The following MFHAS1 variants were observed in gnomAD, a reference collection of about 807,000 sequenced individuals.
The protein encoded by MFHAS1 is malignant fibrous histiocytoma-amplified sequence 1.
MFHAS1 carries 50 observed loss-of-function variants against 70.4 expected under a neutral mutation model. The ratio of observed to expected loss-of-function variants is 0.71; its 90% CI spans 0.57 to 0.90. The LOEUF (loss-of-function observed/expected upper bound fraction) is 0.90. Ranked by LOEUF, MFHAS1 falls within the 40% of genes least tolerant of loss-of-function variation. The pLI is 0.00. For synonymous variants in MFHAS1, 952 were observed against 620.0 expected (o/e 1.54, Z -7.96); for missense variants, 1,795 against 1,347.6 (o/e 1.33, Z -5.20).
intron 1 of MFHAS1, among the ~76,000 whole-genome samples, chr8:8,852,215 C>T (rs1585052034): frequency 6.6e-6 from 1 of 152,152 alleles, no homozygotes; most frequent in East Asian, 1.9e-4. Flanking sequence ...CGGTGACTCA[C>T]ACCTGTAATC....
At chr8:8,844,471 G>C (rs906494626) in intron 1 of MFHAS1, among the ~76,000 whole-genome samples, 2 of 152,164 alleles carry the variant, frequency 1.3e-5, no homozygotes, top group African/African-American at 4.8e-5. Context: ...CAGCACACCT[G>C]TCATTGTTTA....
At chr8:8,830,206 TTC>T (rs1807332129) in intron 1 of MFHAS1, among the ~76,000 whole-genome samples, 1 of 152,162 alleles carries the variant, frequency 6.6e-6, no homozygotes, top group Non-Finnish European at 1.5e-5. Context: ...TGGCTTCGAG[TTC>T]TGTGTCAGGA....
At chr8:8,864,214 T>G (rs992006577) in intron 1 of MFHAS1, among the ~76,000 whole-genome samples, 1 of 152,114 alleles carries the variant, frequency 6.6e-6, no homozygotes, top group African/African-American at 2.4e-5. Context: ...CTAAACCAAA[T>G]CTCTGGTGTT....
chr8:8,826,641 G>A (rs1807174129), intron 1 of MFHAS1, among the ~76,000 whole-genome samples: 1 of 152,210 alleles, frequency 6.6e-6, no homozygotes, highest in Admixed American at 6.5e-5. Flanking sequence ...GCTGAGGCAG[G>A]ACAATCGCTT....
At position 8,785,998 on chromosome 8, in the gene MFHAS1, A is replaced by T. The variant is rs188044456; in HGVS notation, c.*24T>A. On this transcript the variant is annotated 3_prime_UTR_variant, in exon 3 of 3. Coordinates refer to ENST00000276282, the MANE Select transcript of MFHAS1 (RefSeq NM_004225.3). ...GGTGTTCAGATGCTCTCTTTTCTCC[A>T]TGGAAATTCCACAGCCACAAACGTC... 2.0e-5 allele frequency: 32 copies of T among 1,613,648 alleles called. No homozygotes were observed. In the African/African-American group the frequency reaches 3.2e-4, roughly 16 times the overall value.
rs1271947687 is a variant in MFHAS1 at position 8,890,704 on chromosome 8, G to C, written c.2355C>G (p.Leu785=). Reference sequence around the variant, plus strand: ...ACAGAAAGCCCTCCACATACTGATGGAGCTGGGTGGCCCGGAGCAGTTCCT... The same window carrying C: ...ACAGAAAGCCCTCCACATACTGATGCAGCTGGGTGGCCCGGAGCAGTTCCT... ...PSQELLRATQ[L]HQYVEGFLLH... Residue 785 remains leucine (L), a synonymous_variant, in exon 1 of 3, where the codon CTC becomes CTG. Coordinates refer to ENST00000276282, the MANE Select transcript of MFHAS1 (RefSeq NM_004225.3). The C allele has an allele frequency of 6.8e-6, 11 of 1,613,674 alleles. No individual in the cohort carries two copies. The South Asian group carries it at 1.1e-4, about 16-fold the overall frequency.
intron 1 of MFHAS1, among the ~76,000 whole-genome samples, chr8:8,829,665 A>C (rs1807296612): frequency 6.6e-6 from 1 of 152,212 alleles, no homozygotes; most frequent in Non-Finnish European, 1.5e-5. Context: ...TGGGCGAAAG[A>C]GTGAGACTCT....
At chr8:8,811,816 T>G (rs1264344929) in intron 1 of MFHAS1, among the ~76,000 whole-genome samples, 1 of 152,186 alleles carries the variant, frequency 6.6e-6, no homozygotes. Flanking sequence ...GTCTCTCAAG[T>G]GCCCTCAAGC....
chr8:8,856,909 G>C (rs1156277796), intron 1 of MFHAS1, among the ~76,000 whole-genome samples: 1 of 123,462 alleles, frequency 8.1e-6, no homozygotes, highest in Non-Finnish European at 1.6e-5. Flanking sequence ...CTCTAGATCA[G>C]AAAGAGAAAT....
intron 1 of MFHAS1, among the ~76,000 whole-genome samples, chr8:8,865,960 C>T (rs533821944): frequency 6.6e-6 from 1 of 152,250 alleles, no homozygotes. Flanking sequence ...TTGGCCTACT[C>T]TCCTGACAGT....
At chr8:8,821,228 A>T (rs1806944277) in intron 1 of MFHAS1, among the ~76,000 whole-genome samples, 1 of 152,184 alleles carries the variant, frequency 6.6e-6, no homozygotes, top group Non-Finnish European at 1.5e-5. Context: ...GCTTCTGTGC[A>T]AAGCTTACAG....
intron 1 of MFHAS1, among the ~76,000 whole-genome samples, chr8:8,853,289 C>T (rs1040524534): frequency 3.3e-5 from 5 of 152,050 alleles, no homozygotes; most frequent in African/African-American, 1.2e-4. Flanking sequence ...GTTCAACAGG[C>T]GGCAAGCTCC....
At chr8:8,789,736 T>C (rs945509615) in intron 2 of MFHAS1, among the ~76,000 whole-genome samples, 1 of 152,138 alleles carries the variant, frequency 6.6e-6, no homozygotes, top group Non-Finnish European at 1.5e-5. Context: ...GAGTATACTC[T>C]TCCAATACAA....
intron 1 of MFHAS1, among the ~76,000 whole-genome samples, chr8:8,862,613 G>A (rs997323979): frequency 3.3e-5 from 5 of 152,102 alleles, no homozygotes; most frequent in Non-Finnish European, 4.4e-5. Flanking sequence ...GAATTTTAGG[G>A]CAGTAAAACT....
At chr8:8,797,540 G>C (rs763448226) in intron 1 of MFHAS1, 49 bp from the exon 2 acceptor site, 1 of 1,584,166 alleles carries the variant, frequency 6.3e-7, no homozygotes, top group Non-Finnish European at 8.6e-7. Flanking sequence ...CACTAAAAAT[G>C]GGCTCATTTT....
intron 1 of MFHAS1, among the ~76,000 whole-genome samples, chr8:8,807,412 T>C (rs1262841139): frequency 6.6e-6 from 1 of 152,086 alleles, no homozygotes; most frequent in Admixed American, 6.6e-5. Flanking sequence ...TAATCCTCAC[T>C]TACTGCCTCT....
intron 1 of MFHAS1, among the ~76,000 whole-genome samples, chr8:8,838,708 G>C (rs939083609): frequency 6.6e-6 from 1 of 151,870 alleles, no homozygotes; most frequent in African/African-American, 2.4e-5. Flanking sequence ...AGCTACTCAG[G>C]AGGGTGAGGC....
intron 1 of MFHAS1, among the ~76,000 whole-genome samples, chr8:8,868,436 T>G (rs1174551953): frequency 6.6e-6 from 1 of 150,624 alleles, no homozygotes; most frequent in African/African-American, 2.5e-5. Context: ...TTTTTTAAAC[T>G]GACTGTAAAC....
Position 8,891,663 on chromosome 8 carries a change from C to T in MFHAS1, c.1396G>A (p.Asp466Asn). The T allele has an allele frequency of 6.2e-7, 1 of 1,613,584 alleles. No individual in the cohort carries two copies. Among genetic ancestry groups the T allele is most frequent in the Non-Finnish European group, 8.5e-7 (1 of 1,180,030 alleles). ...ATGAACCGCAGGCCCCGGGAGGCAT[C>T]GGCCGTCCAGCTGGTCACCTCGATG... The part of the protein sequence containing the change: ...KGIEVTSWTA[D>N]ASRGLRFIVY... The change falls in exon 1 of 3, where the codon GAT (aspartate) becomes AAT (asparagine). Residue 466 changes from aspartate (D) to asparagine (N), a missense_variant. Asp to Asn is a conservative substitution (Grantham distance 23, BLOSUM62 1). Coordinates refer to ENST00000276282, the MANE Select transcript of MFHAS1 (RefSeq NM_004225.3). The surrounding 1 kb of genome is among the most constrained non-coding windows in gnomAD (Gnocchi z 5.4).
Sources: gnomAD v4.1 joint callset for allele counts (sites outside exome capture counted in the v4.1 genomes callset) on GRCh38, gnomAD v4.1.1 for gene constraint, Gnocchi (gnomAD v3.1) non-coding constraint, MANE v1.5 for transcripts, NCBI Gene and HGNC (gene_info 2026-07-23, HGNC 2026-07-21) for gene names.